Variants in SLC25A35 observed in about 807,000 individuals in gnomAD.
The protein encoded by SLC25A35 is solute carrier family 25 member 35.
Under a neutral mutation model 30.5 loss-of-function variants are expected in SLC25A35, and 32 were observed. The ratio of observed to expected loss-of-function variants is 1.05; its 90% CI spans 0.79 to 1.41. The LOEUF (loss-of-function observed/expected upper bound fraction) is 1.41, where lower values mean the gene tolerates loss of function less well. SLC25A35 is among the 40% of genes most tolerant of loss of function. The pLI, the probability that SLC25A35 is intolerant of heterozygous loss-of-function variation, is 0.00. For missense variants in SLC25A35, 369 were observed against 388.0 expected, an observed-to-expected ratio of 0.95 and a Z score of 0.41; for synonymous variants, 142 against 158.1, an observed-to-expected ratio of 0.90 and a Z score of 0.77.
downstream of SLC25A35, chr17:8,288,062 C>T (rs1345461207): frequency 6.5e-6 from 1 of 153,374 alleles, no homozygotes; most frequent in Non-Finnish European, 1.5e-5. Context: ...GAGACCCTAC[C>T]TAGACGTGGG....
chr17:8,289,941 G>C (rs763670881), downstream of SLC25A35: 15 of 1,614,038 alleles, frequency 9.3e-6, no homozygotes, highest in Non-Finnish European at 1.3e-5. Flanking sequence ...CAGTAAAGGC[G>C]CTGAAGCACT....
chr17:8,288,517 C>G (rs1597439297), downstream of SLC25A35: 1 of 556,718 alleles, frequency 1.8e-6, no homozygotes, highest in East Asian at 3.2e-5. Context: ...TAGACCCTAA[C>G]CCTAAGTCCA....
intron 1 of SLC25A35, among the ~76,000 whole-genome samples, chr17:8,294,009 G>A (rs1990690658): frequency 6.8e-6 from 1 of 147,004 alleles, no homozygotes. Context: ...TCCGCCTCCC[G>A]GGTTCATGCC....
At chr17:8,294,042 A>G (rs1216829348) in intron 1 of SLC25A35, among the ~76,000 whole-genome samples, 1 of 148,506 alleles carries the variant, frequency 6.7e-6, no homozygotes, top group African/African-American at 2.5e-5. Flanking sequence ...CAGCCTCCCG[A>G]GTAGCTGGGA....
rs1219523758 is a variant in SLC25A35, at chr17:8,294,484, A to T, written c.324T>A (p.Ala108=). 32 of 1,609,406 alleles carry T rather than the reference A, an allele frequency of 2.0e-5. No individual in the cohort carries two copies. The East Asian group carries it at 7.1e-4, about 36-fold the overall frequency. Residue 108 remains alanine (A), a synonymous_variant, in exon 1 of 5, where the codon GCT becomes GCA. Transcript: ENST00000577745. ...CTCCCATGACCCCAGCCATGGCCCC[A>T]GCTGCTGCGCTGCGGGCAGGACTGT... is the stretch of plus-strand genomic sequence containing the variant. ...GTHSPARSAA[A]GAMAGVMGAY... is the part of the protein sequence containing the mutation.
In SLC25A35 at chr17:8,290,376, A is replaced by T; in HGVS notation, c.*129T>A. 1 of 1,455,918 alleles carries T rather than the reference A, an allele frequency of 6.9e-7. No homozygotes were observed. The highest frequency in any genetic ancestry group is 9.0e-7 in the Non-Finnish European group (1 of 1,108,172). The allele number at this position is 1,455,918 out of a possible 1,614,324, so 90.2% of individuals were successfully genotyped here. A position where few individuals can be genotyped will look rare whatever the true frequency, so the allele number is the denominator to read the frequency against. Reference sequence around the variant, plus strand: ...TGTAGTGATTCAACCCTGAGAACAGATGGGGAGTGGGGTTGGCTGTCCCCC... The same window carrying T: ...TGTAGTGATTCAACCCTGAGAACAGTTGGGGAGTGGGGTTGGCTGTCCCCC... On this transcript the variant is annotated 3_prime_UTR_variant, in exon 5 of 5. Coordinates refer to ENST00000577745, the MANE Select transcript of SLC25A35 (RefSeq NM_001320870.2).
chr17:8,288,588 A>C (rs924241155), downstream of SLC25A35: 7 of 652,014 alleles, frequency 1.1e-5, no homozygotes, highest in Non-Finnish European at 1.9e-5. Context: ...CTTCCGGAGC[A>C]AAGCCGCTGA....
intron 1 of SLC25A35, among the ~76,000 whole-genome samples, chr17:8,293,751 C>G (rs1430873558): frequency 6.7e-6 from 1 of 149,906 alleles, no homozygotes; most frequent in Non-Finnish European, 1.5e-5. Context: ...CGGGGTTTCA[C>G]CGTGTTAGCC....
intron 1 of SLC25A35, 53 bp downstream of exon 1, chr17:8,294,380 A>T: frequency 1.3e-6 from 2 of 1,503,834 alleles, no homozygotes; most frequent in South Asian, 2.6e-5. Flanking sequence ...AACAGCTCCT[A>T]TCCTACAACG....
At chr17:8,294,211 G>A (rs1394551061) in intron 1 of SLC25A35, among the ~76,000 whole-genome samples, 2 of 152,112 alleles carry the variant, frequency 1.3e-5, no homozygotes, top group East Asian at 1.9e-4. Flanking sequence ...CACTGCACCC[G>A]GCCCCAAAGC....
In SLC25A35 at chr17:8,290,363, A is replaced by T. The variant is rs930444700; in HGVS notation, c.*142T>A. ...GAAACTCATCTCTTGTAGTGATTCA[A>T]CCCTGAGAACAGATGGGGAGTGGGG... On this transcript the variant is annotated 3_prime_UTR_variant, in exon 5 of 5. Coordinates refer to ENST00000577745, the MANE Select transcript of SLC25A35 (RefSeq NM_001320870.2). 71 of 1,446,310 alleles carry T rather than the reference A, an allele frequency of 4.9e-5. 3 individuals are homozygous for T. The highest frequency in any genetic ancestry group is 5.0e-4 in the Middle Eastern group (2 of 3,962). 89.6% of individuals were successfully genotyped at this position (1,446,310 alleles called of 1,614,324 possible).
rs933849226 is a variant in SLC25A35, at chr17:8,293,531, A to G, written c.375+902T>C. Among the ~76,000 whole-genome samples the G allele has an allele frequency of 2.7e-5, 4 of 150,638 alleles. No homozygotes were observed. In the South Asian group the frequency reaches 6.3e-4, roughly 24 times the overall value. ...CAGATGTGGCAACTGAAGCTCAACAACTAGTAATTTTCTTTCTTTTCTTTT... is the reference window on the plus strand; with the variant it reads ...CAGATGTGGCAACTGAAGCTCAACAGCTAGTAATTTTCTTTCTTTTCTTTT... On this transcript the variant is annotated intron_variant, in intron 1 of 4. Transcript: ENST00000577745.
downstream of SLC25A35, chr17:8,289,528 AG>A: frequency 6.2e-7 from 1 of 1,614,164 alleles, no homozygotes; most frequent in Non-Finnish European, 8.5e-7. Flanking sequence ...ACACTTCATC[AG>A]GCCTTGCTGA....
chr17:8,293,025 G>A (rs72835273), intron 1 of SLC25A35, among the ~76,000 whole-genome samples: 4,623 of 152,268 alleles, frequency 0.03, 101 homozygotes, highest in Non-Finnish European at 0.045. Flanking sequence ...CCCCCACAGA[G>A]GTATCGAGCT....
At position 8,294,733 on chromosome 17, in the gene SLC25A35, G is replaced by A; in HGVS notation, c.75C>T (p.Thr25=). ...GCAGTTCTCCTTGCAACTGCATCCT[G>A]GTCTTCACCACCTCCAGGGGATTGG... The part of the protein sequence containing the change: ...VFTNPLEVVK[T]RMQLQGELQA... The change falls in exon 1 of 5, where the codon ACC becomes ACT. Residue 25 remains threonine (T), a synonymous_variant. Transcript: ENST00000577745. 1 of 1,614,040 alleles carries A rather than the reference G, an allele frequency of 6.2e-7. No homozygotes were observed.
At position 8,295,329 on chromosome 17, in the gene SLC25A35, C is replaced by G. The variant is rs564848049; in HGVS notation, c.-522G>C. 1.0e-6 allele frequency: 1 copy of G among 985,888 alleles called. No individual in the cohort carries two copies. Among genetic ancestry groups the G allele is most frequent in the South Asian group, 4.7e-5 (1 of 21,350 alleles). 61.1% of individuals were successfully genotyped at this position (985,888 alleles called of 1,614,324 possible). A position where few individuals can be genotyped will look rare whatever the true frequency, so the allele number is the denominator to read the frequency against. On this transcript the variant is annotated 5_prime_UTR_variant, in exon 1 of 5. Coordinates refer to ENST00000577745, the MANE Select transcript of SLC25A35 (RefSeq NM_001320870.2). ...ATGAGCGTCCCTGAGCGTCCCCAGG[C>G]AGCCACCGGAGCTCGCAGTAGCTTC...
downstream of SLC25A35, chr17:8,289,355 C>T (rs2151609771): frequency 6.2e-7 from 1 of 1,614,130 alleles, no homozygotes; most frequent in East Asian, 2.2e-5. Flanking sequence ...CCTGAGGGGC[C>T]GCTGTCAAGA....
downstream of SLC25A35, chr17:8,289,142 A>T: frequency 6.2e-7 from 1 of 1,602,616 alleles, no homozygotes; most frequent in Non-Finnish European, 8.5e-7. Flanking sequence ...CCCGCGGCCG[A>T]CGGTTAATCC....
intron 1 of SLC25A35, among the ~76,000 whole-genome samples, chr17:8,293,742 G>A (rs1990662311): frequency 6.7e-6 from 1 of 150,068 alleles, no homozygotes; most frequent in Non-Finnish European, 1.5e-5. Context: ...TAGTAGAGAC[G>A]GGGTTTCACC....
Sources: gnomAD v4.1 joint callset for allele counts (sites outside exome capture counted in the v4.1 genomes callset) on GRCh38, gnomAD v4.1.1 for gene constraint, MANE v1.5 for transcripts, NCBI Gene and HGNC (gene_info 2026-07-23, HGNC 2026-07-21) for gene names.